Variants in SORCS3 observed in about 807,000 individuals in gnomAD.
SORCS3 encodes the protein sortilin related VPS10 domain containing receptor 3.
SORCS3 carries 57 observed loss-of-function variants against 146.3 expected under a neutral mutation model. The observed-to-expected ratio is 0.39, with a 90% CI of 0.31 to 0.49. The LOEUF (loss-of-function observed/expected upper bound fraction) is 0.49, where lower values mean the gene tolerates loss of function less well. Among genes scored for constraint, SORCS3 ranks in the 20% least tolerant of loss-of-function variants. The probability of loss-of-function intolerance (pLI) is 0.92; values close to 1 mark genes in which losing one functional copy is unlikely to be tolerated. For missense variants in SORCS3, 1,341 were observed against 1,575.5 expected (o/e 0.85, Z 2.52); for synonymous variants, 653 against 618.5 (o/e 1.06, Z -0.83).
At chr10:105,210,008 T>TA (rs2056624621) in intron 16 of SORCS3, among the ~76,000 whole-genome samples, 2 of 152,060 alleles carry the variant, frequency 1.3e-5, no homozygotes, top group Non-Finnish European at 2.9e-5. Flanking sequence ...TTTTAAGTTT[T>TA]TTATTATTAT....
intron 22 of SORCS3, among the ~76,000 whole-genome samples, chr10:105,251,853 C>G (rs1043368490): frequency 4.6e-5 from 7 of 152,146 alleles, no homozygotes; most frequent in Non-Finnish European, 1.0e-4. Flanking sequence ...TTCTCAGCCT[C>G]TTAACCACGT....
At chr10:104,924,124 G>A (rs964592258) in intron 3 of SORCS3, among the ~76,000 whole-genome samples, 6 of 152,118 alleles carry the variant, frequency 3.9e-5, no homozygotes, top group Non-Finnish European at 5.9e-5. Context: ...CATTTAACTC[G>A]TTTCCATTCA....
Position 104,799,754 on chromosome 10 carries a change from C to T in SORCS3, c.628-43038C>T, listed in dbSNP as rs561360723. Among the ~76,000 whole-genome samples, 11 of 152,098 alleles carry T rather than the reference C, an allele frequency of 7.2e-5. No homozygotes were observed. In the South Asian group the frequency reaches 2.1e-3, roughly 29 times the overall value. On this transcript the variant is annotated intron_variant, in intron 1 of 26. Coordinates refer to ENST00000369701, the MANE Select transcript of SORCS3 (RefSeq NM_014978.3). Reference sequence around the variant, plus strand: ...GCAGTGGTGCGATCTTGGCTCACTGCAAGCTCTGCCTCCCGGGTTCACGCT... The same window carrying T: ...GCAGTGGTGCGATCTTGGCTCACTGTAAGCTCTGCCTCCCGGGTTCACGCT...
intron 3 of SORCS3, among the ~76,000 whole-genome samples, chr10:104,975,264 T>C (rs893299990): frequency 3.9e-5 from 6 of 152,072 alleles, no homozygotes; most frequent in African/African-American, 7.2e-5. Flanking sequence ...TATACACCAA[T>C]AACAGACAAG....
chr10:104,917,354 T>C (rs1488596067), intron 3 of SORCS3, among the ~76,000 whole-genome samples: 1 of 152,226 alleles, frequency 6.6e-6, no homozygotes, highest in African/African-American at 2.4e-5. Flanking sequence ...TTTCTTTTAA[T>C]TTGTTTATTT....
chr10:104,977,795 G>C (rs186287074), intron 4 of SORCS3, among the ~76,000 whole-genome samples: 2 of 144,348 alleles, frequency 1.4e-5, no homozygotes, highest in East Asian at 4.1e-4. Flanking sequence ...GCAGTGGCGC[G>C]ATCTTGGCTC....
chr10:105,040,537 T>A (rs1336718012), intron 4 of SORCS3, among the ~76,000 whole-genome samples: 1 of 152,208 alleles, frequency 6.6e-6, no homozygotes, highest in Non-Finnish European at 1.5e-5. Flanking sequence ...CTTTCCCATC[T>A]GTCAACCTCT....
At chr10:104,905,716 G>A (rs2133593161) in intron 2 of SORCS3, among the ~76,000 whole-genome samples, 1 of 152,270 alleles carries the variant, frequency 6.6e-6, no homozygotes, top group South Asian at 2.1e-4. Flanking sequence ...TGTGGTCCCA[G>A]AAAGCCGATA....
chr10:104,675,138 G>A (rs185645977), intron 1 of SORCS3, among the ~76,000 whole-genome samples: 16 of 152,160 alleles, frequency 1.1e-4, no homozygotes, highest in African/African-American at 3.9e-4. Flanking sequence ...TTTTTTTAAC[G>A]TTTTTCATTT....
chr10:104,841,062 ATG>A (rs1337957272), intron 1 of SORCS3, among the ~76,000 whole-genome samples: 3 of 151,922 alleles, frequency 2.0e-5, no homozygotes, highest in Non-Finnish European at 4.4e-5. Flanking sequence ...GTGTGTGTGT[ATG>A]TGTGTGTGTA....
chr10:104,731,712 G>A (rs2016708436), intron 1 of SORCS3, among the ~76,000 whole-genome samples: 1 of 152,158 alleles, frequency 6.6e-6, no homozygotes, highest in Non-Finnish European at 1.5e-5. Context: ...TTGAGCCTGT[G>A]TAGATTTACC....
chr10:104,956,261 C>G (rs2019488969), intron 3 of SORCS3, among the ~76,000 whole-genome samples: 1 of 152,172 alleles, frequency 6.6e-6, no homozygotes, highest in Admixed American at 6.5e-5. Context: ...TTACAAATGA[C>G]AAGTTTGTCT....
At chr10:104,757,867 C>A (rs2864033) in intron 1 of SORCS3, among the ~76,000 whole-genome samples, 3 of 12,388 alleles carry the variant, frequency 2.4e-4, no homozygotes, top group Admixed American at 7.0e-4. Context: ...ACCCCCCCCC[C>A]CACACCCGCT....
intron 20 of SORCS3, among the ~76,000 whole-genome samples, chr10:105,245,293 C>T (rs1456075802): frequency 2.0e-5 from 3 of 152,194 alleles, no homozygotes; most frequent in African/African-American, 7.2e-5. Flanking sequence ...AGCAGAATGA[C>T]ATGCAAAATC....
At chr10:104,778,276 C>T (rs571120219) in intron 1 of SORCS3, among the ~76,000 whole-genome samples, 1 of 152,312 alleles carries the variant, frequency 6.6e-6, no homozygotes, top group South Asian at 2.1e-4. Flanking sequence ...CGGTTCCATA[C>T]ATGCATCTCC....
intron 4 of SORCS3, among the ~76,000 whole-genome samples, chr10:104,998,316 TG>T (rs2055039459): frequency 6.6e-6 from 1 of 151,968 alleles, no homozygotes; most frequent in African/African-American, 2.4e-5. Flanking sequence ...CCTCATTTTC[TG>T]TACATTGAAA....
chr10:105,251,248 G>GT (rs1564796003), intron 22 of SORCS3, among the ~76,000 whole-genome samples: 1 of 152,162 alleles, frequency 6.6e-6, no homozygotes, highest in Non-Finnish European at 1.5e-5. Context: ...GTGGCAGAGC[G>GT]AAGGGGGAAA....
chr10:104,792,247 A>G (rs1020316506), intron 1 of SORCS3, among the ~76,000 whole-genome samples: 1 of 152,126 alleles, frequency 6.6e-6, no homozygotes, highest in Non-Finnish European at 1.5e-5. Context: ...AACTCCTACA[A>G]CACCATGCAT....
chr10:104,913,572 G>A lies in SORCS3; in HGVS notation c.696-2261G>A, dbSNP rs535297627. ...ATTGATATTTGTTTATTCAGTAAAC[G>A]TGAAACGTGCTGAGTGTGCATAATG... is the stretch of plus-strand genomic sequence containing the variant. On this transcript the variant is annotated intron_variant, in intron 2 of 26. Coordinates refer to ENST00000369701, the MANE Select transcript of SORCS3 (RefSeq NM_014978.3). Among the ~76,000 whole-genome samples the A allele has an allele frequency of 2.9e-3, 446 of 152,296 alleles. 1 individual carries two copies. The highest frequency in any genetic ancestry group is 0.018 in the South Asian group (88 of 4,818).
Sources: gnomAD v4.1 joint callset for allele counts (sites outside exome capture counted in the v4.1 genomes callset) on GRCh38, gnomAD v4.1.1 for gene constraint, MANE v1.5 for transcripts, NCBI Gene and HGNC (gene_info 2026-07-23, HGNC 2026-07-21) for gene names.